Variants in IPO7 observed in about 807,000 individuals in gnomAD.
IPO7 encodes importin-7.
IPO7 carries 13 observed loss-of-function variants against 136.4 expected under a neutral mutation model. That is an observed-to-expected ratio of 0.10 (90% CI 0.06 to 0.15). IPO7 has a LOEUF of 0.15. IPO7 is among the 10% of genes least tolerant of loss of function. The probability of loss-of-function intolerance (pLI) is 1.00; values close to 1 mark genes in which losing one functional copy is unlikely to be tolerated. For missense variants in IPO7, 857 were observed against 1,240.6 expected, an observed-to-expected ratio of 0.69 and a Z score of 4.65; for synonymous variants, 403 against 404.4, an observed-to-expected ratio of 1.00 and a Z score of 0.04.
At chr11:9,418,989 A>C (rs1855083901) in intron 6 of IPO7, among the ~76,000 whole-genome samples, 1 of 152,202 alleles carries the variant, frequency 6.6e-6, no homozygotes, top group Non-Finnish European at 1.5e-5. Flanking sequence ...TAGATATATC[A>C]CAATTTATGT....
chr11:9,441,714 A>G (rs576876982), intron 23 of IPO7, among the ~76,000 whole-genome samples: 1 of 152,220 alleles, frequency 6.6e-6, no homozygotes, highest in Non-Finnish European at 1.5e-5. Flanking sequence ...GTACCACAGT[A>G]GCCTTGATGA....
chr11:9,441,944 TA>T, intron 23 of IPO7, 136 bp from the exon 24 acceptor site: 1 of 498,554 alleles, frequency 2.0e-6, no homozygotes, highest in East Asian at 3.3e-5. Flanking sequence ...ATGGTAATTT[TA>T]AAAATTATTG....
Position 9,409,994 on chromosome 11 carries a change from T to G in IPO7, c.387T>G (p.Ile129Met). Reference sequence around the variant, plus strand: ...ATTATCCAAGCCGCTGGACTGCCATTGTGGACAAAATTGGCTTTTATCTTC... The same window carrying G: ...ATTATCCAAGCCGCTGGACTGCCATGGTGGACAAAATTGGCTTTTATCTTC... ...KHDYPSRWTA[I>M]VDKIGFYLQS... The change falls in exon 4 of 25, where the codon ATT becomes ATG. Residue 129 changes from isoleucine to methionine, a missense_variant. Physicochemically the swap from Ile to Met is conservative, Grantham distance 10. Coordinates refer to ENST00000379719, the MANE Select transcript of IPO7 (RefSeq NM_006391.3). 6.2e-7 allele frequency: 1 copy of G among 1,608,980 alleles called. No individual in the cohort carries two copies.
intron 1 of IPO7, among the ~76,000 whole-genome samples, chr11:9,390,919 G>A (rs868765323): frequency 3.9e-5 from 6 of 151,946 alleles, no homozygotes; most frequent in South Asian, 2.1e-4. Context: ...GCAGGCGCCC[G>A]CCACCACTCC....
intron 1 of IPO7, among the ~76,000 whole-genome samples, chr11:9,394,129 G>A (rs144423968): frequency 3.9e-3 from 593 of 152,078 alleles, no homozygotes; most frequent in African/African-American, 0.014. Flanking sequence ...CGCCCTCCTC[G>A]GCCTCCCAAA....
intron 1 of IPO7, among the ~76,000 whole-genome samples, chr11:9,389,892 G>T (rs1169580388): frequency 6.6e-6 from 1 of 152,040 alleles, no homozygotes; most frequent in Non-Finnish European, 1.5e-5. Context: ...GAGTAGCTGG[G>T]ATTAAAGGAA....
intron 8 of IPO7, among the ~76,000 whole-genome samples, chr11:9,421,918 TG>T (rs1855137466): frequency 6.6e-6 from 1 of 151,712 alleles, no homozygotes; most frequent in Non-Finnish European, 1.5e-5. Context: ...CATTCCAGCC[TG>T]GGCGACAGAG....
At chr11:9,428,514 A>C in intron 12 of IPO7, 26 bp from the exon 13 acceptor site, 2 of 1,014,888 alleles carry the variant, frequency 2.0e-6, no homozygotes, top group Middle Eastern at 2.7e-4. Flanking sequence ...GAACTGTATC[A>C]AAATAACTGT....
At chr11:9,436,167 G>A in intron 19 of IPO7, 104 bp from the exon 20 acceptor site, 1 of 677,560 alleles carries the variant, frequency 1.5e-6, no homozygotes, top group Non-Finnish European at 2.6e-6. Context: ...GGTACCTCAA[G>A]TAATACTCAG....
At chr11:9,428,791 G>A (rs770499481) in intron 13 of IPO7, 162 bp downstream of exon 13, 3 of 783,228 alleles carry the variant, frequency 3.8e-6, no homozygotes, top group Non-Finnish European at 7.1e-6. Context: ...GTGTGCATAG[G>A]TTTCATCTGT....
chr11:9,387,444 T>C (rs1161877543), intron 1 of IPO7, among the ~76,000 whole-genome samples: 1 of 152,260 alleles, frequency 6.6e-6, no homozygotes, highest in Non-Finnish European at 1.5e-5. Flanking sequence ...TCCTTATCAC[T>C]GAGGAGTTCC....
At chr11:9,406,795 G>T (rs1418274100) in intron 2 of IPO7, among the ~76,000 whole-genome samples, 2 of 152,028 alleles carry the variant, frequency 1.3e-5, no homozygotes, top group African/African-American at 2.4e-5. Flanking sequence ...AATCGCTTGA[G>T]CCTGGGAGAT....
chr11:9,396,091 G>A (rs778957287), intron 1 of IPO7, among the ~76,000 whole-genome samples: 1 of 151,920 alleles, frequency 6.6e-6, no homozygotes, highest in Non-Finnish European at 1.5e-5. Context: ...AAGGTAATAA[G>A]GTTAATAAAG....
chr11:9,406,018 A>G (rs1217823735), intron 2 of IPO7, among the ~76,000 whole-genome samples: 1 of 148,698 alleles, frequency 6.7e-6, no homozygotes, highest in African/African-American at 2.5e-5. Flanking sequence ...CCTGCCAAAC[A>G]TCTGGGGCTG....
intron 2 of IPO7, among the ~76,000 whole-genome samples, chr11:9,404,140 G>T (rs1159597861): frequency 6.6e-6 from 1 of 152,120 alleles, no homozygotes; most frequent in Non-Finnish European, 1.5e-5. Context: ...GTTATTTCTT[G>T]CTGTTCTTTC....
intron 2 of IPO7, among the ~76,000 whole-genome samples, chr11:9,404,258 A>G (rs139842452): frequency 0.1 from 15,350 of 152,058 alleles, 1,109 homozygotes; most frequent in Non-Finnish European, 0.15. Context: ...AAGATCAGGA[A>G]ATCGAGACCA....
chr11:9,418,917 A>G (rs569093070), intron 6 of IPO7, among the ~76,000 whole-genome samples: 2 of 152,164 alleles, frequency 1.3e-5, no homozygotes, highest in South Asian at 2.1e-4. Context: ...TATTTATAAG[A>G]TTCTTTCATG....
intron 4 of IPO7, among the ~76,000 whole-genome samples, chr11:9,410,973 T>A (rs1854960772): frequency 6.6e-6 from 1 of 152,218 alleles, no homozygotes; most frequent in South Asian, 2.1e-4. Context: ...GCTGCTTTTA[T>A]TCTCTGAGCA....
intron 12 of IPO7, among the ~76,000 whole-genome samples, chr11:9,426,911 C>CG (rs897043502): frequency 1.3e-5 from 2 of 151,202 alleles, no homozygotes; most frequent in African/African-American, 2.4e-5. Flanking sequence ...GCCTCCCCGC[C>CG]CCCCCGCCAT....
Sources: allele counts gnomAD v4.1 joint callset (sites outside exome capture counted in the v4.1 genomes callset), GRCh38; gene constraint gnomAD v4.1.1; transcripts MANE v1.5; gene names NCBI Gene and HGNC (gene_info 2026-07-23, HGNC 2026-07-21).